The following PRDM16 variants were observed in gnomAD, a reference collection of about 807,000 sequenced individuals.
PRDM16 encodes the protein histone-lysine N-methyltransferase PRDM16.
A neutral mutation model predicts 110.6 loss-of-function variants in PRDM16; 23 were observed. The ratio of observed to expected loss-of-function variants is 0.21; its 90% CI spans 0.15 to 0.29. The LOEUF is 0.29. PRDM16 is among the 10% of genes least tolerant of loss of function. The probability of loss-of-function intolerance (pLI) is 1.00; values close to 1 mark genes in which losing one functional copy is unlikely to be tolerated. For synonymous variants in PRDM16, 799 were observed against 781.8 expected (o/e 1.02, Z -0.37); for missense variants, 1,615 against 1,794.3 (o/e 0.90, Z 1.81).
intron 4 of PRDM16, among the ~76,000 whole-genome samples, chr1:3,389,852 A>G (rs547966502): frequency 6.6e-6 from 1 of 152,234 alleles, no homozygotes; most frequent in South Asian, 2.1e-4. Flanking sequence ...AGGTGTCAGA[A>G]GTCGTCGTGG....
Position 3,294,109 on chromosome 1 carries a change from G to A in PRDM16, c.438+49972G>A, listed in dbSNP as rs917234004. 9.9e-4 allele frequency among the ~76,000 whole-genome samples: 150 copies of A among 152,250 alleles called. 2 individuals are homozygous for A. The highest frequency in any genetic ancestry group is 3.9e-4 in the East Asian group (2 of 5,166). Reference sequence around the variant, plus strand: ...TGAGCCTTGGCAGTCAGAAATGATGGTACCTACCTAGAACCTGCCTACCAG... The same window carrying A: ...TGAGCCTTGGCAGTCAGAAATGATGATACCTACCTAGAACCTGCCTACCAG... On this transcript the variant is annotated intron_variant, in intron 3 of 16. Transcript: ENST00000270722.
In PRDM16 at chr1:3,290,939, G is replaced by A. The variant is rs888860453; in HGVS notation, c.438+46802G>A. 1.7e-4 allele frequency among the ~76,000 whole-genome samples: 26 copies of A among 151,948 alleles called. No individual in the cohort carries two copies. Among genetic ancestry groups the A allele is most frequent in the Non-Finnish European group, 8.8e-5 (6 of 68,002 alleles). ...CAGAAATCCATACTCATCATTCATC[G>A]GGGGCCTTATTAACCTTCTTACGAT... On this transcript the variant is annotated intron_variant, in intron 3 of 16. Transcript: ENST00000270722. This position sits in a 1 kb window ranked among gnomAD's most constrained non-coding sequence, Gnocchi z 4.8.
intron 3 of PRDM16, among the ~76,000 whole-genome samples, chr1:3,316,043 C>G (rs1010351004): frequency 2.0e-5 from 3 of 151,686 alleles, no homozygotes; most frequent in African/African-American, 7.3e-5. Flanking sequence ...AGGGGCTGGG[C>G]CTTTCTCCCG....
rs931086978 is a variant in PRDM16 at position 3,350,508 on chromosome 1, T to C, written c.439-34644T>C. On this transcript the variant is annotated intron_variant, in intron 3 of 16. Transcript: ENST00000270722. The surrounding 1 kb of genome is among the most constrained non-coding windows in gnomAD (Gnocchi z 7.1). ...GATCCAGACATAATGTGTGTTAAGA[T>C]CAAGGGCCCCGGGCTGATGTGGCCT... Among the ~76,000 whole-genome samples, 1 of 152,014 alleles carries C rather than the reference T, an allele frequency of 6.6e-6. No individual in the cohort carries two copies. Among genetic ancestry groups the C allele is most frequent in the Non-Finnish European group, 1.5e-5 (1 of 67,978 alleles).
intron 2 of PRDM16, among the ~76,000 whole-genome samples, chr1:3,188,742 C>T (rs947062096): frequency 5.3e-5 from 8 of 152,152 alleles, no homozygotes; most frequent in South Asian, 2.1e-4. Flanking sequence ...TCAGATGGGA[C>T]GGGGGGCAGC....
intron 3 of PRDM16, among the ~76,000 whole-genome samples, chr1:3,378,612 C>T (rs532831461): frequency 2.2e-4 from 34 of 152,228 alleles, no homozygotes; most frequent in Admixed American, 1.0e-3. Flanking sequence ...CTCATAGGCC[C>T]GCGGCGATGA....
At chr1:3,072,689 C>G (rs942276002) in intron 1 of PRDM16, among the ~76,000 whole-genome samples, 2 of 152,218 alleles carry the variant, frequency 1.3e-5, no homozygotes, top group African/African-American at 4.8e-5. Flanking sequence ...CCACCAGTCC[C>G]CTCCCCAGAG....
At chr1:3,270,450 AAGG>A (rs915654430) in intron 3 of PRDM16, among the ~76,000 whole-genome samples, 24 of 132,916 alleles carry the variant, frequency 1.8e-4, no homozygotes, top group Non-Finnish European at 3.2e-4. Context: ...CACAGTCCAG[AAGG>A]AGGACAGTCG....
In PRDM16 at chr1:3,143,552, A is replaced by T. The variant is rs1362835659; in HGVS notation, c.38-42573A>T. On this transcript the variant is annotated intron_variant, in intron 1 of 16. Transcript: ENST00000270722. The surrounding 1 kb of genome is among the most constrained non-coding windows in gnomAD (Gnocchi z 4.5). ...GAGTGCACTGGCGCAATCTCCGCTC[A>T]CTGCAGTCTCTGCCTCCCGGGTTCA... Among the ~76,000 whole-genome samples the T allele has an allele frequency of 1.3e-5, 2 of 152,124 alleles. No individual in the cohort carries two copies. Among genetic ancestry groups the T allele is most frequent in the East Asian group, 3.9e-4 (2 of 5,192 alleles).
At chr1:3,426,267 C>T (rs1253917519) in intron 14 of PRDM16, 42 bp downstream of exon 14, 1 of 1,581,232 alleles carries the variant, frequency 6.3e-7, no homozygotes, top group Non-Finnish European at 8.7e-7. Flanking sequence ...TGGACCCGGC[C>T]AACAGCCCTG....
intron 1 of PRDM16, among the ~76,000 whole-genome samples, chr1:3,111,744 C>T (rs1642800056): frequency 6.6e-6 from 1 of 152,154 alleles, no homozygotes; most frequent in South Asian, 2.1e-4. Flanking sequence ...GAGGCCTAAT[C>T]TTTTTTTCTT....
chr1:3,152,348 TCATCCATCCATCCATC>T (rs70938075), intron 1 of PRDM16, among the ~76,000 whole-genome samples: 6 of 149,510 alleles, frequency 4.0e-5, no homozygotes, highest in Non-Finnish European at 4.4e-5. Flanking sequence ...ATCTATGCAT[TCATCCATCCATCCATC>T]CATCCATCCA....
chr1:3,276,880 G>A (rs896089786), intron 3 of PRDM16, among the ~76,000 whole-genome samples: 8 of 152,298 alleles, frequency 5.3e-5, no homozygotes, highest in African/African-American at 1.7e-4. Flanking sequence ...AGCCCTAAAG[G>A]GGGCTGGGCT....
chr1:3,147,673 G>A (rs1643702350), intron 1 of PRDM16, among the ~76,000 whole-genome samples: 1 of 152,190 alleles, frequency 6.6e-6, no homozygotes, highest in Admixed American at 6.5e-5. Context: ...CCGGTCCCAA[G>A]CAAGGATCTG....
Position 3,382,485 on chromosome 1 carries a change from A to G in PRDM16, c.439-2667A>G, listed in dbSNP as rs1284385448. Reference sequence around the variant, plus strand: ...CTGTGTCTGCAGAAGCTGGTAACACAGAGGCTGTCTCCCTGGGAACCTGCC... The same window carrying G: ...CTGTGTCTGCAGAAGCTGGTAACACGGAGGCTGTCTCCCTGGGAACCTGCC... On this transcript the variant is annotated intron_variant, in intron 3 of 16. Transcript: ENST00000270722. This position sits in a 1 kb window ranked among gnomAD's most constrained non-coding sequence, Gnocchi z 6.6. 6.6e-6 allele frequency among the ~76,000 whole-genome samples: 1 copy of G among 152,336 alleles called. No individual in the cohort carries two copies. Among genetic ancestry groups the G allele is most frequent in the East Asian group, 1.9e-4 (1 of 5,176 alleles).
intron 1 of PRDM16, among the ~76,000 whole-genome samples, chr1:3,139,217 A>T (rs1380032032): frequency 1.3e-5 from 2 of 152,154 alleles, no homozygotes; most frequent in African/African-American, 4.8e-5. Flanking sequence ...ACTTGGTGCC[A>T]CCGGGCCTCC....
intron 1 of PRDM16, among the ~76,000 whole-genome samples, chr1:3,167,617 A>G (rs1200908839): frequency 1.8e-5 from 1 of 55,510 alleles, no homozygotes; most frequent in Non-Finnish European, 3.1e-5. Context: ...CCTCTGTGAC[A>G]TTGCCCCCCT....
At chr1:3,349,161 G>GC (rs1192473979) in intron 3 of PRDM16, among the ~76,000 whole-genome samples, 3 of 152,188 alleles carry the variant, frequency 2.0e-5, no homozygotes, top group African/African-American at 7.2e-5. Flanking sequence ...GCCTCGCCCT[G>GC]CCCCACCTCC....
intron 3 of PRDM16, among the ~76,000 whole-genome samples, chr1:3,276,952 C>A (rs1261034897): frequency 6.6e-6 from 1 of 152,102 alleles, no homozygotes; most frequent in Non-Finnish European, 1.5e-5. Flanking sequence ...CCCCGGGCAG[C>A]GTCTGCCTCT....
Sources: allele counts gnomAD v4.1 joint callset (sites outside exome capture counted in the v4.1 genomes callset), GRCh38; gene constraint gnomAD v4.1.1; non-coding constraint Gnocchi (gnomAD v3.1); transcripts MANE v1.5; gene names NCBI Gene and HGNC (gene_info 2026-07-23, HGNC 2026-07-21).